OLFM1: variants seen among roughly 807,000 people sequenced by gnomAD.
The protein encoded by OLFM1 is olfactomedin 1, also known as noelin.
Under a neutral mutation model 49.7 loss-of-function variants are expected in OLFM1, and 9 were observed. The observed-to-expected ratio is 0.18, with a 90% CI of 0.11 to 0.32. The LOEUF is 0.32. Ranked by LOEUF, OLFM1 falls within the 10% of genes least tolerant of loss-of-function variation. The probability of loss-of-function intolerance (pLI) is 1.00; values close to 1 mark genes in which losing one functional copy is unlikely to be tolerated. For missense variants in OLFM1, 369 were observed against 661.8 expected (o/e 0.56, Z 4.85); for synonymous variants, 240 against 271.8 (o/e 0.88, Z 1.15).
intron 1 of OLFM1, chr9:135,075,883 C>A: frequency 6.8e-7 from 1 of 1,465,016 alleles, no homozygotes; most frequent in Non-Finnish European, 9.1e-7. Flanking sequence ...CCGGGAACGG[C>A]TCTGGCTCCG....
Position 135,088,817 on chromosome 9 carries a change from C to T in OLFM1, c.150+678C>T, listed in dbSNP as rs1405198027. On this transcript the variant is annotated intron_variant, in intron 1 of 5. Coordinates refer to ENST00000371793, the MANE Select transcript of OLFM1 (RefSeq NM_001282611.2). The surrounding 1 kb of genome is among the most constrained non-coding windows in gnomAD (Gnocchi z 4.8). ...GCGCTCACCCCCTCGCCTTTGCCTT[C>T]GTCTTCTGCGCGCACCCCTCCCTCC... 6.6e-6 allele frequency among the ~76,000 whole-genome samples: 1 copy of T among 152,196 alleles called. No individual in the cohort carries two copies. The highest frequency in any genetic ancestry group is 6.5e-5 in the Admixed American group (1 of 15,288).
intron 4 of OLFM1, among the ~76,000 whole-genome samples, chr9:135,100,410 C>T (rs1242884374): frequency 6.6e-6 from 1 of 152,200 alleles, no homozygotes; most frequent in African/African-American, 2.4e-5. Context: ...CTGCTAACAC[C>T]ATTGATTTGG....
rs1830629184 is a variant in OLFM1 at position 135,088,267 on chromosome 9, C to T, written c.150+128C>T. 1.1e-6 allele frequency: 1 copy of T among 910,844 alleles called. No individual in the cohort carries two copies. The highest frequency in any genetic ancestry group is 1.7e-5 in the African/African-American group (1 of 57,144). The allele number at this position is 910,844 out of a possible 1,614,324, so 56.4% of individuals were successfully genotyped here. The stretch of plus-strand genomic sequence containing the variant: ...AGTCGCCCAGGGAGGCGGCGGGGAG[C>T]AGGGCGGGCAAGGGCAGGCGTCGCG... On this transcript the variant is annotated intron_variant, in intron 1 of 5. Coordinates refer to ENST00000371793, the MANE Select transcript of OLFM1 (RefSeq NM_001282611.2). This position sits in a 1 kb window ranked among gnomAD's most constrained non-coding sequence, Gnocchi z 4.8.
chr9:135,076,190 G>T, intron 1 of OLFM1: 1 of 1,550,460 alleles, frequency 6.4e-7, no homozygotes, highest in Non-Finnish European at 8.7e-7. Context: ...AGAGGTGGCG[G>T]GACCTTAGTC....
intron 1 of OLFM1, among the ~76,000 whole-genome samples, chr9:135,077,542 C>T (rs1830483348): frequency 6.6e-6 from 1 of 152,210 alleles, no homozygotes; most frequent in African/African-American, 2.4e-5. Flanking sequence ...CCCCTGGTCA[C>T]ACCCCTGCAT....
rs142486915 is a variant in OLFM1 at position 135,109,251 on chromosome 9, G to A, written c.783+2396G>A. Among the ~76,000 whole-genome samples the A allele has an allele frequency of 1.7e-3, 258 of 152,344 alleles. 1 individual carries two copies. Among genetic ancestry groups the A allele is most frequent in the African/African-American group, 4.3e-3 (178 of 41,570 alleles). ...CGTAGGGAGCACTAGTCAAGTTATC[G>A]TTTTTCTAGGTACCAAGGATCTGGG... is the stretch of plus-strand genomic sequence containing the variant. On this transcript the variant is annotated intron_variant, in intron 5 of 5. Coordinates refer to ENST00000371793, the MANE Select transcript of OLFM1 (RefSeq NM_001282611.2).
chr9:135,106,453 C>A, intron 4 of OLFM1: 1 of 383,828 alleles, frequency 2.6e-6, no homozygotes, highest in South Asian at 4.3e-5. Context: ...ATCCCCAGGC[C>A]ATGGGTCCAG....
rs926995506 is a variant in OLFM1 at position 135,120,451 on chromosome 9, C to T, written c.*273C>T. 1.2e-5 allele frequency: 6 copies of T among 498,408 alleles called. No homozygotes were observed. The highest frequency in any genetic ancestry group is 1.2e-4 in the African/African-American group (6 of 51,796). 30.9% of individuals were successfully genotyped at this position (498,408 alleles called of 1,614,324 possible). On this transcript the variant is annotated 3_prime_UTR_variant, in exon 6 of 6. Coordinates refer to ENST00000371793, the MANE Select transcript of OLFM1 (RefSeq NM_001282611.2). Reference sequence around the variant, plus strand: ...CCCGCCCTGTCCCTCTCTGGTCAAACAACATACTAAAGAGGCGAGGCAATG... The same window carrying T: ...CCCGCCCTGTCCCTCTCTGGTCAAATAACATACTAAAGAGGCGAGGCAATG...
At chr9:135,076,426 G>A in intron 1 of OLFM1, 1 of 1,459,556 alleles carries the variant, frequency 6.9e-7, no homozygotes, top group Non-Finnish European at 9.0e-7. Context: ...GCTGGTGTGG[G>A]GATCGTGGGC....
chr9:135,076,572 C>A (rs892603207), intron 1 of OLFM1: 1 of 1,085,716 alleles, frequency 9.2e-7, no homozygotes, highest in Non-Finnish European at 1.3e-6. Flanking sequence ...GAGCGCCGAA[C>A]TGGGAGGGTT....
intron 2 of OLFM1, among the ~76,000 whole-genome samples, chr9:135,091,589 A>G (rs1310771505): frequency 3.5e-5 from 5 of 143,312 alleles, no homozygotes; most frequent in Admixed American, 2.8e-4. Flanking sequence ...ACACACTCAC[A>G]GTCACACACT....
At chr9:135,107,823 C>T (rs970636553) in intron 5 of OLFM1, among the ~76,000 whole-genome samples, 4 of 152,190 alleles carry the variant, frequency 2.6e-5, no homozygotes, top group Non-Finnish European at 4.4e-5. Flanking sequence ...TTATCTGGAG[C>T]GGGTTTGAAG....
rs951948081 is a variant in OLFM1, at chr9:135,076,187, G to C, written c.96+385G>C. 7.1e-6 allele frequency: 11 copies of C among 1,550,514 alleles called. No individual in the cohort carries two copies. The African/African-American group carries it at 1.5e-4, about 21-fold the overall frequency. ...AAGACCCCAGGCATTTTCAGAGGTG[G>C]CGGGACCTTAGTCCTACCCCCAACA... On this transcript the variant is annotated intron_variant, in intron 1 of 5. Transcript: ENST00000252854.
rs1830784349 is a variant in OLFM1, at chr9:135,095,964, C to T, written c.401C>T (p.Ser134Phe). ...GAGAACCAAATGAAAGGACTGGAGTCCAAGTTCAAACAGGTGGAGGAGAGT... is the reference window on the plus strand; with the variant it reads ...GAGAACCAAATGAAAGGACTGGAGTTCAAGTTCAAACAGGTGGAGGAGAGT... ...KMENQMKGLESKFKQVEESHK... is the reference protein window; with the variant it reads ...KMENQMKGLEFKFKQVEESHK... The change falls in exon 3 of 6, where the codon TCC (serine) becomes TTC (phenylalanine). Residue 134 changes from serine (S) to phenylalanine (F), a missense_variant. Physicochemically the swap from Ser to Phe is radical, Grantham distance 155. Coordinates refer to ENST00000371793, the MANE Select transcript of OLFM1 (RefSeq NM_001282611.2). The T allele has an allele frequency of 1.3e-6, 2 of 1,576,388 alleles. No individual in the cohort carries two copies. The highest frequency in any genetic ancestry group is 1.1e-5 in the South Asian group (1 of 89,748).
chr9:135,101,066 GC>G (rs1830863824), intron 4 of OLFM1, among the ~76,000 whole-genome samples: 1 of 152,178 alleles, frequency 6.6e-6, no homozygotes, highest in African/African-American at 2.4e-5. Context: ...GCTTAATTTA[GC>G]TTCATTTTAG....
In OLFM1 at chr9:135,098,261, G is replaced by T; in HGVS notation, c.457-25G>T. 6.2e-7 allele frequency: 1 copy of T among 1,611,384 alleles called. No homozygotes were observed. The highest frequency in any genetic ancestry group is 1.1e-5 in the South Asian group (1 of 91,024). ...TGAGAGTTCTTGCATGCATCGCACT[G>T]AACCAGCTTATTTTAACCTTGCAGG... On this transcript the variant is annotated intron_variant, in intron 3 of 5. Transcript: ENST00000371793. The surrounding 1 kb of genome is among the most constrained non-coding windows in gnomAD (Gnocchi z 5.6).
chr9:135,085,814 T>A (rs531117142), upstream of OLFM1, among the ~76,000 whole-genome samples: 3 of 152,334 alleles, frequency 2.0e-5, no homozygotes, highest in South Asian at 6.2e-4. Flanking sequence ...GACGACCCTT[T>A]CAAAACCATT....
chr9:135,108,062 C>T (rs759017273), intron 5 of OLFM1, among the ~76,000 whole-genome samples: 2 of 152,322 alleles, frequency 1.3e-5, no homozygotes, highest in Middle Eastern at 3.4e-3. Flanking sequence ...GAGTGGCCCC[C>T]GCCCCCATCT....
At chr9:135,076,963 A>T in intron 1 of OLFM1, 1 of 1,550,462 alleles carries the variant, frequency 6.4e-7, no homozygotes, top group Non-Finnish European at 8.7e-7. Context: ...CCAAATCCCA[A>T]TCCAGCAGTG....
Sources: allele counts gnomAD v4.1 joint callset (sites outside exome capture counted in the v4.1 genomes callset), GRCh38; gene constraint gnomAD v4.1.1; non-coding constraint Gnocchi (gnomAD v3.1); transcripts MANE v1.5; gene names NCBI Gene and HGNC (gene_info 2026-07-23, HGNC 2026-07-21).